The following PUDP variants were observed in gnomAD, a reference collection of about 807,000 sequenced individuals.
PUDP encodes the protein pseudouridine-5'-phosphatase.
PUDP carries 8 observed loss-of-function variants against 9.4 expected under a neutral mutation model. The ratio of observed to expected loss-of-function variants is 0.85; its 90% CI spans 0.50 to 1.53. The LOEUF is 1.53. Ranked by LOEUF, PUDP falls within the 40% of genes most tolerant of loss-of-function variation. The pLI, the probability that PUDP is intolerant of heterozygous loss-of-function variation, is 0.00. For missense variants in PUDP, 188 were observed against 189.7 expected, an observed-to-expected ratio of 0.99 and a Z score of 0.05; for synonymous variants, 99 against 80.7, an observed-to-expected ratio of 1.23 and a Z score of -1.22.
intron 2 of PUDP, among the ~76,000 whole-genome samples, chrX:7,090,868 C>T (rs915258261): frequency 8.9e-6 from 1 of 112,116 alleles, no homozygotes; most frequent in Admixed American, 9.4e-5. Flanking sequence ...TTGTGCTCCC[C>T]GCCATGTGAC....
rs1199004691 is a variant in PUDP, at chrX:7,027,990, T to C, written c.204+49230A>G. Among the ~76,000 whole-genome samples the C allele has an allele frequency of 8.6e-5, 9 of 104,225 alleles. No individual in the cohort carries two copies. In the South Asian group the frequency reaches 1.7e-3, roughly 19 times the overall value. 90.5% of individuals were successfully genotyped at this position (104,225 alleles called of 115,157 possible). On this transcript the variant is annotated intron_variant and NMD_transcript_variant, in intron 1 of 3. Transcript: ENST00000655425. ...TTTTATATAAAGTTTATATACTGTCTATATATTGTCTAGACTATATTATTC... is the reference window on the plus strand; with the variant it reads ...TTTTATATAAAGTTTATATACTGTCCATATATTGTCTAGACTATATTATTC...
chrX:6,748,995 T>C (rs1004812708), intron 3 of PUDP, among the ~76,000 whole-genome samples: 1 of 110,886 alleles, frequency 9.0e-6, no homozygotes, highest in African/African-American at 3.3e-5. Context: ...GTGGATGAGA[T>C]AGAATTTACA....
chrX:7,064,356 G>A (rs1309074107), intron 3 of PUDP, among the ~76,000 whole-genome samples: 1 of 111,659 alleles, frequency 9.0e-6, no homozygotes, highest in African/African-American at 3.3e-5. Context: ...TCTACATTCC[G>A]AGGTCGTGAA....
chrX:6,712,322 T>G (rs1924542416), intron 1 of PUDP, among the ~76,000 whole-genome samples: 1 of 111,101 alleles, frequency 9.0e-6, no homozygotes, highest in South Asian at 3.8e-4. Flanking sequence ...GGCTAATTTT[T>G]GTATTTGTAG....
intron 3 of PUDP, among the ~76,000 whole-genome samples, chrX:6,728,031 A>G (rs763708993): frequency 7.2e-5 from 8 of 111,693 alleles, no homozygotes; most frequent in East Asian, 2.8e-4. Flanking sequence ...TTTATAAAGA[A>G]AAAGAGGTTT....
chrX:7,101,026 A>C (rs1220235851), intron 2 of PUDP, among the ~76,000 whole-genome samples: 1 of 112,130 alleles, frequency 8.9e-6, no homozygotes, highest in African/African-American at 3.2e-5. Context: ...CTGAGCCAGC[A>C]TCCCAGCATG....
chrX:7,055,640 G>A (rs1930221024), intron 3 of PUDP, among the ~76,000 whole-genome samples: 1 of 111,375 alleles, frequency 9.0e-6, no homozygotes. Context: ...TACAAGAAAA[G>A]TACCTGGTAT....
chrX:7,111,743 T>C (rs1352400406), intron 1 of PUDP, among the ~76,000 whole-genome samples: 1 of 112,066 alleles, frequency 8.9e-6, no homozygotes, highest in African/African-American at 3.2e-5. Context: ...ATCCTAATGA[T>C]GTAGTCATGC....
intron 1 of PUDP, among the ~76,000 whole-genome samples, chrX:7,037,678 G>A (rs1929871497): frequency 8.9e-6 from 1 of 112,315 alleles, no homozygotes; most frequent in Non-Finnish European, 1.9e-5. Flanking sequence ...ACATTTGTTT[G>A]TTTCTTATTC....
chrX:7,144,991 C>T (rs1343576486), intron 1 of PUDP, among the ~76,000 whole-genome samples: 2 of 111,126 alleles, frequency 1.8e-5, no homozygotes, highest in Non-Finnish European at 3.8e-5. Flanking sequence ...CCATTATCAA[C>T]AGACATCTTG....
chrX:6,828,127 AT>A (rs1396069739), intron 3 of PUDP, among the ~76,000 whole-genome samples: 1 of 111,712 alleles, frequency 9.0e-6, no homozygotes, highest in African/African-American at 3.3e-5. Flanking sequence ...GGGAACTAGT[AT>A]TTTACAGCTC....
intron 2 of PUDP, among the ~76,000 whole-genome samples, chrX:7,078,912 G>A (rs1317823358): frequency 8.9e-6 from 1 of 111,749 alleles, no homozygotes; most frequent in African/African-American, 3.3e-5. Context: ...CTGCAAAGAA[G>A]CAAATACCAC....
downstream of PUDP, among the ~76,000 whole-genome samples, chrX:7,045,394 C>T (rs753675903): frequency 1.6e-4 from 18 of 112,092 alleles, no homozygotes; most frequent in Non-Finnish European, 3.2e-4. Context: ...TTCTGCCCTA[C>T]TAACATACTT....
chrX:6,906,187 ACTG>A (rs1927764112), intron 3 of PUDP, among the ~76,000 whole-genome samples: 1 of 112,164 alleles, frequency 8.9e-6, no homozygotes, highest in Non-Finnish European at 1.9e-5. Flanking sequence ...TCTGTTGTTT[ACTG>A]CTGCTATTGG....
intron 1 of PUDP, among the ~76,000 whole-genome samples, chrX:7,000,316 AAAAC>A (rs952097560): frequency 1.8e-5 from 2 of 111,836 alleles, no homozygotes; most frequent in African/African-American, 6.5e-5. Context: ...ATAAACTAAA[AAAAC>A]AAACGAACAA....
At chrX:6,794,896 A>T (rs1569100256) in intron 3 of PUDP, among the ~76,000 whole-genome samples, 1 of 96,929 alleles carries the variant, frequency 1.0e-5, no homozygotes, top group African/African-American at 3.7e-5. Flanking sequence ...CTTTTCTGCA[A>T]TTTTTTTACT....
intron 1 of PUDP, among the ~76,000 whole-genome samples, chrX:7,109,396 A>C (rs1460373796): frequency 1.8e-5 from 2 of 112,191 alleles, no homozygotes; most frequent in African/African-American, 6.5e-5. Context: ...CGAGTGAAGG[A>C]ACAGAACAGA....
intron 1 of PUDP, among the ~76,000 whole-genome samples, chrX:7,019,211 C>T (rs1929595220): frequency 1.8e-5 from 2 of 111,586 alleles, no homozygotes; most frequent in Admixed American, 1.9e-4. Flanking sequence ...TGGACTTACC[C>T]TGAATTTTCT....
At chrX:6,714,655 G>A in intron 1 of PUDP, among the ~76,000 whole-genome samples, 1 of 111,345 alleles carries the variant, frequency 9.0e-6, no homozygotes, top group East Asian at 2.8e-4. Context: ...GATAAATGGA[G>A]ATGATTGATA....
Sources: allele counts gnomAD v4.1 joint callset (sites outside exome capture counted in the v4.1 genomes callset), GRCh38; gene constraint gnomAD v4.1.1; transcripts MANE v1.5; gene names NCBI Gene and HGNC (gene_info 2026-07-23, HGNC 2026-07-21).